The following ZNF793 variants were observed in gnomAD, a reference collection of about 807,000 sequenced individuals.
The protein encoded by ZNF793 is zinc finger protein 793.
In ZNF793, 5 loss-of-function variants were observed where a neutral mutation model predicts 12.4. The observed-to-expected ratio is 0.40, with a 90% CI of 0.21 to 0.84. The LOEUF (loss-of-function observed/expected upper bound fraction) is 0.84. ZNF793 is among the 40% of genes least tolerant of loss of function. ZNF793 has a pLI of 0.35. For missense variants in ZNF793, 456 were observed against 495.0 expected (o/e 0.92, Z 0.75); for synonymous variants, 162 against 172.4 (o/e 0.94, Z 0.47).
Position 37,537,642 on chromosome 19 carries a change from A to G in ZNF793, c.984A>G (p.Val328=), listed in dbSNP as rs867884634. 3.1e-6 allele frequency: 5 copies of G among 1,613,886 alleles called. No individual in the cohort carries two copies. In the Middle Eastern group the frequency reaches 8.2e-4, roughly 266 times the overall value. ...KSFGEKSYLN[V]HRKMHTGERP... ...TTGGTGAGAAGTCATACCTCAATGT[A>G]CATCGAAAAATGCACACAGGAGAAA... is the stretch of plus-strand genomic sequence containing the variant. The change falls in exon 8 of 8, where the codon GTA becomes GTG. Residue 328 remains valine (V), a synonymous_variant. Coordinates refer to ENST00000627814, the MANE Select transcript of ZNF793 (RefSeq NM_001013659.3).
At chr19:37,532,255 T>G (rs993014540) in intron 5 of ZNF793, 101 bp from the exon 6 acceptor site, 1 of 1,354,686 alleles carries the variant, frequency 7.4e-7, no homozygotes, top group Non-Finnish European at 1.0e-6. Context: ...CCTCCCACCT[T>G]GGCCTCCCAA....
intron 2 of ZNF793, among the ~76,000 whole-genome samples, chr19:37,513,676 A>G (rs1227413827): frequency 1.3e-5 from 2 of 152,118 alleles, no homozygotes; most frequent in Non-Finnish European, 2.9e-5. Context: ...AAAGAAAGAA[A>G]CTTTCAGAAA....
chr19:37,527,147 C>T (rs1426877039), intron 5 of ZNF793, among the ~76,000 whole-genome samples: 1 of 152,066 alleles, frequency 6.6e-6, no homozygotes, highest in African/African-American at 2.4e-5. Context: ...TGGGGTTTTG[C>T]CCTGTTGGCC....
rs988930257 is a variant in ZNF793, at chr19:37,538,200, C to A, written c.*321C>A. 4 of 228,090 alleles carry A rather than the reference C, an allele frequency of 1.8e-5. No homozygotes were observed. The highest frequency in any genetic ancestry group is 2.6e-5 in the Non-Finnish European group (3 of 116,036). The allele number at this position is 228,090 out of a possible 1,614,324, so 14.1% of individuals were successfully genotyped here. On this transcript the variant is annotated 3_prime_UTR_variant, in exon 8 of 8. Coordinates refer to ENST00000627814, the MANE Select transcript of ZNF793 (RefSeq NM_001013659.3). ...AAAGTGCTGGGATTACAGGCGTGAGCCACCGCGCCTGGCCGGTATGTAGGG... is the reference window on the plus strand; with the variant it reads ...AAAGTGCTGGGATTACAGGCGTGAGACACCGCGCCTGGCCGGTATGTAGGG...
chr19:37,530,735 C>G (rs1196213837), intron 5 of ZNF793, among the ~76,000 whole-genome samples: 1 of 152,166 alleles, frequency 6.6e-6, no homozygotes, highest in Non-Finnish European at 1.5e-5. Context: ...TCTACGCAGA[C>G]ACAGTAACAA....
intron 2 of ZNF793, among the ~76,000 whole-genome samples, chr19:37,519,286 T>C (rs2042357726): frequency 6.6e-6 from 1 of 151,908 alleles, no homozygotes; most frequent in Non-Finnish European, 1.5e-5. Context: ...AAAATTCTGA[T>C]ATAAATTCCC....
intron 2 of ZNF793, among the ~76,000 whole-genome samples, chr19:37,514,097 A>G (rs1305355612): frequency 6.6e-6 from 1 of 152,222 alleles, no homozygotes; most frequent in Non-Finnish European, 1.5e-5. Flanking sequence ...GAATGTAAAA[A>G]GGGGAATAAC....
At position 37,523,445 on chromosome 19, in the gene ZNF793, C is replaced by G; in HGVS notation, c.6C>G (p.Ile2Met). 6.2e-7 allele frequency: 1 copy of G among 1,613,636 alleles called. No individual in the cohort carries two copies. Residue 2 changes from isoleucine to methionine, a missense_variant, in exon 5 of 8, where the codon ATC becomes ATG. Ile to Met is a conservative substitution (Grantham distance 10). Coordinates refer to ENST00000627814, the MANE Select transcript of ZNF793 (RefSeq NM_001013659.3). M[I>M]EYQIPVSFKD... is the part of the protein sequence containing the mutation. ...TTTTTCAAGAACAGCAGAAAATGAT[C>G]GAATACCAGGTAAGTATCACATTAA...
intron 7 of ZNF793, chr19:37,534,626 G>A (rs1288646610): frequency 1.3e-5 from 2 of 151,464 alleles, no homozygotes; most frequent in African/African-American, 4.9e-5. Flanking sequence ...CCATTCATAT[G>A]TGTGGTTTTG....
Position 37,531,914 on chromosome 19 carries a change from A to G in ZNF793, c.16-442A>G, listed in dbSNP as rs1356293055. On this transcript the variant is annotated intron_variant, in intron 5 of 7. Transcript: ENST00000627814. ...TTCCAATGTGATTTTCTTTTTCCCC[A>G]CCATATATAACACAAAGCCAAGAAT... 2.0e-5 allele frequency among the ~76,000 whole-genome samples: 3 copies of G among 152,154 alleles called. No homozygotes were observed. In the East Asian group the frequency reaches 5.8e-4, roughly 29 times the overall value.
intron 5 of ZNF793, among the ~76,000 whole-genome samples, chr19:37,524,474 C>T (rs918731700): frequency 2.1e-4 from 32 of 152,056 alleles, no homozygotes; most frequent in Admixed American, 1.7e-3. Flanking sequence ...TTTGGATTAC[C>T]AATGTACAAA....
chr19:37,521,104 C>T (rs557892671), intron 3 of ZNF793, among the ~76,000 whole-genome samples: 1 of 151,360 alleles, frequency 6.6e-6, no homozygotes, highest in Non-Finnish European at 1.5e-5. Context: ...TCTCCTGCCT[C>T]AGCCTCCCAA....
At chr19:37,527,028 A>G (rs2042421205) in intron 5 of ZNF793, among the ~76,000 whole-genome samples, 1 of 151,822 alleles carries the variant, frequency 6.6e-6, no homozygotes, top group African/African-American at 2.4e-5. Flanking sequence ...GCTCACTGCA[A>G]CCTCTGCCTC....
chr19:37,526,779 C>T (rs1488336982), intron 5 of ZNF793, among the ~76,000 whole-genome samples: 1 of 152,146 alleles, frequency 6.6e-6, no homozygotes, highest in Non-Finnish European at 1.5e-5. Flanking sequence ...GAGAATGGGG[C>T]GTGGGCCTGG....
rs745945515 is a variant in ZNF793 at position 37,542,395 on chromosome 19, C to CAAAAG, written c.*4530_*4534dup. ...GCAACAGAGCAAAAAGATTCCATCTCAAAAGAAAAGAAAAGAAATCTGTTA... is the reference window on the plus strand; with the variant it reads ...GCAACAGAGCAAAAAGATTCCATCTCAAAAGAAAAGAAAAGAAAAGAAATCTGTTA... On this transcript the variant is annotated 3_prime_UTR_variant, in exon 8 of 8. Coordinates refer to ENST00000627814, the MANE Select transcript of ZNF793 (RefSeq NM_001013659.3). 8.3e-6 allele frequency: 3 copies of CAAAAG among 362,774 alleles called. No homozygotes were observed. Among genetic ancestry groups the CAAAAG allele is most frequent in the Admixed American group, 6.8e-5 (2 of 29,620 alleles). The allele number at this position is 362,774 out of a possible 1,614,324, so 22.5% of individuals were successfully genotyped here.
chr19:37,523,289 A>G (rs1342537775), intron 4 of ZNF793, 121 bp from the exon 5 acceptor site: 2 of 793,700 alleles, frequency 2.5e-6, no homozygotes, highest in African/African-American at 3.4e-5. Flanking sequence ...ACCCAGCTAA[A>G]AGCATGGATT....
At chr19:37,511,270 C>T (rs118041463) in intron 2 of ZNF793, among the ~76,000 whole-genome samples, 1 of 152,206 alleles carries the variant, frequency 6.6e-6, no homozygotes, top group Non-Finnish European at 1.5e-5. Context: ...TTGATTGACT[C>T]ATATTCACTG....
chr19:37,526,300 A>C (rs2147088971), intron 5 of ZNF793, among the ~76,000 whole-genome samples: 1 of 152,092 alleles, frequency 6.6e-6, no homozygotes, highest in Non-Finnish European at 1.5e-5. Context: ...TTTTGTAAAG[A>C]TGGGATCTTA....
rs775870677 is a variant in ZNF793 at position 37,538,958 on chromosome 19, TAAC to T, written c.*1087_*1089del. On this transcript the variant is annotated 3_prime_UTR_variant, in exon 8 of 8. Coordinates refer to ENST00000627814, the MANE Select transcript of ZNF793 (RefSeq NM_001013659.3). ...TTGATGTCTTAACAATACAAAAAAA[TAAC>T]AACAACATGGCCCACTATTGTTAAA... 7.2e-5 allele frequency: 11 copies of T among 152,118 alleles called. No homozygotes were observed. The highest frequency in any genetic ancestry group is 1.9e-4 in the East Asian group (1 of 5,196). The allele number at this position is 152,118 out of a possible 1,614,324, so 9.4% of individuals were successfully genotyped here.
Sources: gnomAD v4.1 joint callset for allele counts (sites outside exome capture counted in the v4.1 genomes callset) on GRCh38, gnomAD v4.1.1 for gene constraint, MANE v1.5 for transcripts, NCBI Gene and HGNC (gene_info 2026-07-23, HGNC 2026-07-21) for gene names.